The following CCDC88B variants were observed in gnomAD, a reference collection of about 807,000 sequenced individuals.
CCDC88B encodes coiled-coil domain-containing protein 88B.
A neutral mutation model predicts 183.7 loss-of-function variants in CCDC88B; 138 were observed. The observed-to-expected ratio is 0.75, with a 90% confidence interval of 0.65 to 0.87. CCDC88B has a LOEUF of 0.87. Ranked by LOEUF, CCDC88B falls within the 40% of genes least tolerant of loss-of-function variation. The pLI, the probability that CCDC88B is intolerant of heterozygous loss-of-function variation, is 0.00. For synonymous variants in CCDC88B, 835 were observed against 867.5 expected, an observed-to-expected ratio of 0.96 and a Z score of 0.66; for missense variants, 1,822 against 1,965.6, an observed-to-expected ratio of 0.93 and a Z score of 1.38.
Position 64,353,143 on chromosome 11 carries a change from A to C in CCDC88B, c.3590A>C (p.Glu1197Ala). ...GELRGRLARL[E>A]LERAQLEMQS... Reference sequence around the variant, plus strand: ...CTACGGGGCCGGCTGGCGCGGCTGGAGCTGGAGCGGGCACAGCTGGAGATG... The same window carrying C: ...CTACGGGGCCGGCTGGCGCGGCTGGCGCTGGAGCGGGCACAGCTGGAGATG... The change falls in exon 21 of 27, where the codon GAG becomes GCG. Residue 1197 changes from glutamate to alanine, a missense_variant. Physicochemically the swap from Glu to Ala is moderately radical, Grantham distance 107 (BLOSUM62 -1). Coordinates refer to ENST00000356786, the MANE Select transcript of CCDC88B (RefSeq NM_032251.6). 6.3e-7 allele frequency: 1 copy of C among 1,596,136 alleles called. No homozygotes were observed. The highest frequency in any genetic ancestry group is 2.2e-4 in the Middle Eastern group (1 of 4,642).
At chr11:64,353,841 C>A in intron 23 of CCDC88B, 28 bp downstream of exon 23, 1 of 1,611,942 alleles carries the variant, frequency 6.2e-7, no homozygotes, top group Non-Finnish European at 8.5e-7. Context: ...CTCCCTCAGG[C>A]TGGACATCCT....
At chr11:64,340,871 G>C (rs1328314395) in intron 2 of CCDC88B, 36 bp from the exon 3 acceptor site, 1 of 1,535,028 alleles carries the variant, frequency 6.5e-7, no homozygotes, top group Non-Finnish European at 8.8e-7. Context: ...GCCTGTTGAC[G>C]GGAGGCGGGT....
At chr11:64,349,798 T>C in intron 16 of CCDC88B, 130 bp downstream of exon 16, 4 of 858,348 alleles carry the variant, frequency 4.7e-6, no homozygotes, top group Non-Finnish European at 7.4e-6. Flanking sequence ...TCACTCCCCA[T>C]GTGGGGCCTG....
chr11:64,345,001 A>G lies in CCDC88B; in HGVS notation c.2460A>G (p.Ala820=). The G allele has an allele frequency of 6.5e-6, 10 of 1,546,886 alleles. No individual in the cohort carries two copies. Among genetic ancestry groups the G allele is most frequent in the Middle Eastern group, 4.3e-4 (2 of 4,678 alleles). ...AGGCGCTGGTGGAGGCGCTGGCAGC[A>G]GCGGGCCGGGAGCGGAGGCAGTGGG... The part of the protein sequence containing the change: ...EREALVEALA[A]AGRERRQWER... Residue 820 remains alanine (A), a synonymous_variant, in exon 14 of 27, where the codon GCA becomes GCG. Transcript: ENST00000356786.
chr11:64,341,742 G>T lies in CCDC88B; in HGVS notation c.675G>T (p.Gln225His). The change falls in exon 7 of 27, where the codon CAG becomes CAT. Residue 225 changes from glutamine (Q) to histidine (H), a missense_variant and splice_region_variant. Gln to His is a conservative substitution (Grantham distance 24, BLOSUM62 0). Coordinates refer to ENST00000356786, the MANE Select transcript of CCDC88B (RefSeq NM_032251.6). The stretch of plus-strand genomic sequence containing the variant: ...CACGGGAGCGTGACCTGGGGGCCCA[G>T]GTAGGGGCAGCAGGGGCATCGTGGA... The part of the protein sequence containing the change: ...KLARERDLGA[Q>H]RLAELLLERE... 1 of 1,562,392 alleles carries T rather than the reference G, an allele frequency of 6.4e-7. No individual in the cohort carries two copies. Among genetic ancestry groups the T allele is most frequent in the Non-Finnish European group, 8.6e-7 (1 of 1,157,852 alleles).
rs1161879148 is a variant in CCDC88B at position 64,354,696 on chromosome 11, C to T, written c.4100-498C>T. Reference sequence around the variant, plus strand: ...CCCTCCCTGCATGAGCCTCCGCCCCCCCCCTCTGACCCCTCCCCTGCATGA... The same window carrying T: ...CCCTCCCTGCATGAGCCTCCGCCCCTCCCCTCTGACCCCTCCCCTGCATGA... On this transcript the variant is annotated intron_variant, in intron 24 of 26. Coordinates refer to ENST00000356786, the MANE Select transcript of CCDC88B (RefSeq NM_032251.6). 1.2e-4 allele frequency among the ~76,000 whole-genome samples: 7 copies of T among 57,270 alleles called. 1 individual carries two copies. Among genetic ancestry groups the T allele is most frequent in the East Asian group, 9.3e-4 (1 of 1,080 alleles). The allele number at this position is 57,270 out of a possible 152,430, so 37.6% of individuals were successfully genotyped here.
At position 64,352,274 on chromosome 11, in the gene CCDC88B, G is replaced by A. The variant is rs367554510; in HGVS notation, c.3244G>A (p.Ala1082Thr). 52 of 1,593,974 alleles carry A rather than the reference G, an allele frequency of 3.3e-5. No homozygotes were observed. Among genetic ancestry groups the A allele is most frequent in the Non-Finnish European group, 3.8e-5 (44 of 1,170,918 alleles). ...QALLRDHKALAQLQRRQEAEL... is the reference protein window; with the variant it reads ...QALLRDHKALTQLQRRQEAEL... ...CCTGCTTCGGGACCACAAGGCCCTG[G>A]CACAGCTGCAGCGGCGGCAGGAGGC... Residue 1082 changes from alanine to threonine, a missense_variant, in exon 19 of 27, where the codon GCA (alanine) becomes ACA (threonine). Physicochemically the swap from Ala to Thr is moderately conservative, Grantham distance 58. Transcript: ENST00000356786.
In CCDC88B at chr11:64,340,466, G is replaced by C. The variant is rs985110696; in HGVS notation, c.60+140G>C. 5 of 1,395,898 alleles carry C rather than the reference G, an allele frequency of 3.6e-6. No homozygotes were observed. In the African/African-American group the frequency reaches 5.8e-5, roughly 16 times the overall value. 86.5% of individuals were successfully genotyped at this position (1,395,898 alleles called of 1,614,324 possible). ...TTCAAATGTGGGGGATGGAGATATG[G>C]TGTGGGGGGCTGTGGTGAGGGAAGA... is the stretch of plus-strand genomic sequence containing the variant. On this transcript the variant is annotated intron_variant, in intron 1 of 26. Transcript: ENST00000356786.
chr11:64,341,671 C>A lies in CCDC88B; in HGVS notation c.604C>A (p.Leu202Met). ...PDPGELAPAE[L>M]EMLSRSLMGT... ...TCCTGGGGAGCTGGCACCTGCCGAG[C>A]TGGAGATGCTGTCCCGGAGCCTGAT... The change falls in exon 7 of 27, where the codon CTG (leucine) becomes ATG (methionine). Residue 202 changes from leucine to methionine, a missense_variant. Physicochemically the swap from Leu to Met is conservative, Grantham distance 15 (BLOSUM62 2). Transcript: ENST00000356786. 1 of 1,608,232 alleles carries A rather than the reference C, an allele frequency of 6.2e-7. No homozygotes were observed. Among genetic ancestry groups the A allele is most frequent in the Non-Finnish European group, 8.5e-7 (1 of 1,177,570 alleles).
rs766000636 is a variant in CCDC88B, at chr11:64,355,158, C to T, written c.4100-36C>T. On this transcript the variant is annotated intron_variant, in intron 24 of 26. Transcript: ENST00000356786. ...CTACAGGAGCCTCAGCTCCCGTCCC[C>T]TCCTCTCACCCCCTCCCTGCATGTA... 3.7e-6 allele frequency: 5 copies of T among 1,362,124 alleles called. No individual in the cohort carries two copies. In the East Asian group the frequency reaches 1.1e-4, roughly 31 times the overall value. 84.4% of individuals were successfully genotyped at this position (1,362,124 alleles called of 1,614,324 possible).
chr11:64,353,528 C>T lies in CCDC88B; in HGVS notation c.3833+32C>T, dbSNP rs756439881. The T allele has an allele frequency of 1.3e-5, 21 of 1,603,710 alleles. No individual in the cohort carries two copies. The African/African-American group carries it at 2.3e-4, about 17-fold the overall frequency. On this transcript the variant is annotated intron_variant, in intron 22 of 26. Coordinates refer to ENST00000356786, the MANE Select transcript of CCDC88B (RefSeq NM_032251.6). Reference sequence around the variant, plus strand: ...GGGCCGCCTGGGAGCGGGGTGGGGCCTGCATCCCCTTTGGGCGTTCCTGGG... The same window carrying T: ...GGGCCGCCTGGGAGCGGGGTGGGGCTTGCATCCCCTTTGGGCGTTCCTGGG...
In CCDC88B at chr11:64,357,122, G is replaced by T; in HGVS notation, c.*28G>T. ...CCGTGGGAACAGCAGGCTTGGGAGT[G>T]CAGCCTTCTCGGCACTGGAGTGTCA... On this transcript the variant is annotated 3_prime_UTR_variant, in exon 27 of 27. Coordinates refer to ENST00000356786, the MANE Select transcript of CCDC88B (RefSeq NM_032251.6). 6.2e-7 allele frequency: 1 copy of T among 1,613,552 alleles called. No homozygotes were observed. The highest frequency in any genetic ancestry group is 1.7e-4 in the Middle Eastern group (1 of 6,060).
In CCDC88B at chr11:64,349,128, C is replaced by T. The variant is rs182225657; in HGVS notation, c.2617-203C>T. ...CCTTCCTCATGCCCTGCCAGGCTTA[C>T]AACACCCAGCTCTTTCATGCCCAAT... On this transcript the variant is annotated intron_variant, in intron 14 of 26. Coordinates refer to ENST00000356786, the MANE Select transcript of CCDC88B (RefSeq NM_032251.6). The T allele has an allele frequency of 1.7e-4, 122 of 736,948 alleles. No homozygotes were observed. In the East Asian group the frequency reaches 3.2e-3, roughly 19 times the overall value. 45.7% of individuals were successfully genotyped at this position (736,948 alleles called of 1,614,324 possible).
chr11:64,342,630 C>T lies in CCDC88B; in HGVS notation c.1012C>T (p.Arg338Cys), dbSNP rs1264797315. 3 of 1,526,010 alleles carry T rather than the reference C, an allele frequency of 2.0e-6. No individual in the cohort carries two copies. Among genetic ancestry groups the T allele is most frequent in the Non-Finnish European group, 8.7e-7 (1 of 1,143,238 alleles). The allele number at this position is 1,526,010 out of a possible 1,614,324, so 94.5% of individuals were successfully genotyped here. The change falls in exon 10 of 27, where the codon CGC becomes TGC. Residue 338 changes from arginine to cysteine, a missense_variant. Coordinates refer to ENST00000356786, the MANE Select transcript of CCDC88B (RefSeq NM_032251.6). ...GCCCCGCCTGCAGGAGGAGCTGAGGCGCTGCCGCGAGCGGCTGCAGGCGGC... is the reference window on the plus strand; with the variant it reads ...GCCCCGCCTGCAGGAGGAGCTGAGGTGCTGCCGCGAGCGGCTGCAGGCGGC... ...RLPRLQEELR[R>C]CRERLQAAEA...
Position 64,344,657 on chromosome 11 carries a change from C to T in CCDC88B, c.2116C>T (p.Leu706Phe), listed in dbSNP as rs752386755. The change falls in exon 14 of 27, where the codon CTT becomes TTT. Residue 706 changes from leucine to phenylalanine, a missense_variant. Transcript: ENST00000356786. The surrounding 1 kb of genome is among the most constrained non-coding windows in gnomAD (Gnocchi z 4.5). ...ACCACAGCAGAAGTCAGAAGGGGCT[C>T]TTGAGGTCCAGGTCTGGGAAGGCCC... ...QKPQQKSEGA[L>F]EVQVWEGPIP... 1 of 1,613,988 alleles carries T rather than the reference C, an allele frequency of 6.2e-7. No individual in the cohort carries two copies. Among genetic ancestry groups the T allele is most frequent in the Non-Finnish European group, 8.5e-7 (1 of 1,179,950 alleles).
At chr11:64,341,365 C>A (rs1353038942) in intron 5 of CCDC88B, 37 bp downstream of exon 5, 8 of 1,613,976 alleles carry the variant, frequency 5.0e-6, no homozygotes, top group Non-Finnish European at 6.8e-6. Context: ...TAGGGTCGAG[C>A]TTTGGCGGTA....
rs917303457 is a variant in CCDC88B at position 64,342,651 on chromosome 11, G to A, written c.1033G>A (p.Ala345Thr). 2 of 1,518,224 alleles carry A rather than the reference G, an allele frequency of 1.3e-6. No homozygotes were observed. The highest frequency in any genetic ancestry group is 1.8e-6 in the Non-Finnish European group (2 of 1,139,962). 94.0% of individuals were successfully genotyped at this position (1,518,224 alleles called of 1,614,324 possible). A position where few individuals can be genotyped will look rare whatever the true frequency, so the allele number is the denominator to read the frequency against. Residue 345 changes from alanine (A) to threonine (T), a missense_variant, in exon 10 of 27, where the codon GCG becomes ACG. Ala to Thr is a moderately conservative substitution (Grantham distance 58, BLOSUM62 0). Transcript: ENST00000356786. ...ELRRCRERLQAAEAYKSQLEE... is the reference protein window; with the variant it reads ...ELRRCRERLQTAEAYKSQLEE... ...GAGGCGCTGCCGCGAGCGGCTGCAG[G>A]CGGCTGAGGCCTACAAGAGTCAGCT...
intron 18 of CCDC88B, among the ~76,000 whole-genome samples, chr11:64,351,817 C>T (rs1474123350): frequency 6.6e-6 from 1 of 151,552 alleles, no homozygotes; most frequent in Non-Finnish European, 1.5e-5. Context: ...CTGCCGCCAG[C>T]CCCCACATCT....
In CCDC88B at chr11:64,352,891, C is replaced by A; in HGVS notation, c.3500+4C>A. The A allele has an allele frequency of 6.4e-7, 1 of 1,573,660 alleles. No individual in the cohort carries two copies. Among genetic ancestry groups the A allele is most frequent in the South Asian group, 1.2e-5 (1 of 85,756 alleles). ...GGCTTCAGAGCGAGCACGACAGGTG[C>A]CGCCCCTGCCACAGCCTCTAGCAGC... is the stretch of plus-strand genomic sequence containing the variant. On this transcript the variant is annotated splice_donor_region_variant and intron_variant, in intron 20 of 26. Transcript: ENST00000356786.
Sources: allele counts gnomAD v4.1 joint callset (sites outside exome capture counted in the v4.1 genomes callset), GRCh38; gene constraint gnomAD v4.1.1; non-coding constraint Gnocchi (gnomAD v3.1); transcripts MANE v1.5; gene names NCBI Gene and HGNC (gene_info 2026-07-23, HGNC 2026-07-21).